Variants in TJP2 observed in about 807,000 individuals in gnomAD.
The protein encoded by TJP2 is tight junction protein 2.
A neutral mutation model predicts 133.1 loss-of-function variants in TJP2; 91 were observed. That is an observed-to-expected ratio of 0.68 (90% confidence interval 0.58 to 0.81). The LOEUF (loss-of-function observed/expected upper bound fraction) is 0.81. Ranked by LOEUF, TJP2 falls within the 40% of genes least tolerant of loss-of-function variation. TJP2 has a pLI of 0.00. For missense variants in TJP2, 1,541 were observed against 1,565.6 expected (o/e 0.98, Z 0.26); for synonymous variants, 592 against 583.4 (o/e 1.01, Z -0.21).
chr9:69,205,176 A>T (rs985270761), intron 1 of TJP2: 1 of 1,537,174 alleles, frequency 6.5e-7, no homozygotes, highest in African/African-American at 1.4e-5. Context: ...AGACTGCTCA[A>T]GCCCTACATA....
At chr9:69,121,859 G>A (rs979605948) in intron 1 of TJP2, 4 of 152,426 alleles carry the variant, frequency 2.6e-5, no homozygotes, top group African/African-American at 9.6e-5. Context: ...CTTTGGCCAG[G>A]GAATGATTTG....
At chr9:69,151,830 G>C (rs780341007) in intron 2 of TJP2, 3 of 1,230,484 alleles carry the variant, frequency 2.4e-6, no homozygotes, top group Non-Finnish European at 1.0e-6. Context: ...AAATTTGTTC[G>C]AATAGTTACC....
intron 19 of TJP2, chr9:69,248,746 A>C (rs1205388512): frequency 2.0e-6 from 2 of 996,492 alleles, no homozygotes; most frequent in East Asian, 2.2e-4. Context: ...TGTACTGTGC[A>C]TCCACTGTGA....
intron 1 of TJP2, among the ~76,000 whole-genome samples, chr9:69,135,351 G>C (rs1194067384): frequency 6.6e-6 from 1 of 152,164 alleles, no homozygotes; most frequent in Admixed American, 6.5e-5. Flanking sequence ...AGGAAACCCA[G>C]GCCCTGAAGA....
At chr9:69,252,406 G>A (rs996823743) in intron 21 of TJP2, among the ~76,000 whole-genome samples, 3 of 151,932 alleles carry the variant, frequency 2.0e-5, no homozygotes, top group Admixed American at 1.3e-4. Context: ...GTGAAACTCC[G>A]TACCCATAAA....
chr9:69,130,618 C>T (rs1277616801), intron 1 of TJP2, among the ~76,000 whole-genome samples: 1 of 152,120 alleles, frequency 6.6e-6, no homozygotes, highest in African/African-American at 2.4e-5. Flanking sequence ...AGGTCTGGAA[C>T]TTGCATGACG....
chr9:69,181,431 G>A (rs1825503199), intron 1 of TJP2, among the ~76,000 whole-genome samples: 1 of 151,908 alleles, frequency 6.6e-6, no homozygotes, highest in Admixed American at 6.6e-5. Context: ...TGTATCTTTG[G>A]TAGAGACGGG....
intron 1 of TJP2, among the ~76,000 whole-genome samples, chr9:69,188,485 A>G (rs1196746740): frequency 6.6e-6 from 1 of 152,190 alleles, no homozygotes; most frequent in African/African-American, 2.4e-5. Context: ...TTTTAGAATC[A>G]CAGTGGCAAG....
Position 69,248,184 on chromosome 9 carries a change from C to A in TJP2, c.2840C>A (p.Ser947Ter). The A allele has an allele frequency of 1.9e-6, 3 of 1,612,402 alleles. No individual in the cohort carries two copies. The highest frequency in any genetic ancestry group is 2.5e-6 in the Non-Finnish European group (3 of 1,179,206). The change falls in exon 19 of 23, where the codon TCG (serine) becomes TAG (stop). Residue 947 changes from serine to a stop codon, truncating the protein, a stop_gained. Transcript: ENST00000377245. LOFTEE classifies it high-confidence loss of function. The part of the protein sequence containing the change: ...LDEPAEEPLV[S>*]SITRSSEPVQ... ...GAGCCAGCCGAGGAGCCGCTGGTGT[C>A]GTCCATCACCCGCTCCTCGGAGCCG...
chr9:69,188,908 CTGGGTTA>C (rs1172605774), intron 1 of TJP2, among the ~76,000 whole-genome samples: 3 of 152,152 alleles, frequency 2.0e-5, no homozygotes, highest in Non-Finnish European at 4.4e-5. Context: ...TTACAAACTC[CTGGGTTA>C]TAGAATTGGA....
chr9:69,202,185 C>T (rs1402859897), intron 1 of TJP2, among the ~76,000 whole-genome samples: 1 of 152,194 alleles, frequency 6.6e-6, no homozygotes, highest in African/African-American at 2.4e-5. Context: ...GGGCAGCTCT[C>T]TCCTTCCAAG....
At chr9:69,245,642 G>A (rs904296055) in intron 17 of TJP2, among the ~76,000 whole-genome samples, 1 of 152,152 alleles carries the variant, frequency 6.6e-6, no homozygotes, top group Non-Finnish European at 1.5e-5. Flanking sequence ...CACTTGCTTG[G>A]TGTGTGGCCT....
intron 1 of TJP2, among the ~76,000 whole-genome samples, chr9:69,195,908 G>A (rs1826525957): frequency 6.6e-6 from 1 of 152,220 alleles, no homozygotes; most frequent in Non-Finnish European, 1.5e-5. Flanking sequence ...AGTTGTCAGA[G>A]TGATTGAATC....
chr9:69,147,722 C>T (rs1432053459), intron 1 of TJP2, among the ~76,000 whole-genome samples: 1 of 152,104 alleles, frequency 6.6e-6, no homozygotes, highest in East Asian at 1.9e-4. Flanking sequence ...TCCTCATTTC[C>T]CCAAATCAAA....
chr9:69,252,672 C>T (rs376684212), intron 21 of TJP2, 143 bp from the exon 22 acceptor site: 38 of 783,586 alleles, frequency 4.8e-5, no homozygotes, highest in African/African-American at 4.1e-4. Context: ...ATGAGGAGGC[C>T]GCTTCTGTGT....
At chr9:69,196,948 C>CGTGTGTGT (rs1826616328) in intron 1 of TJP2, among the ~76,000 whole-genome samples, 2 of 127,854 alleles carry the variant, frequency 1.6e-5, no homozygotes, top group Admixed American at 7.8e-5. Context: ...TGTGTGTGTA[C>CGTGTGTGT]ACACACACAC....
intron 11 of TJP2, among the ~76,000 whole-genome samples, chr9:69,232,960 C>T (rs1376683099): frequency 2.0e-5 from 3 of 152,120 alleles, no homozygotes; most frequent in Admixed American, 6.5e-5. Flanking sequence ...TCCCAAGGTC[C>T]TCCCACAGCC....
At chr9:69,149,968 G>T (rs1349692190) in intron 1 of TJP2, among the ~76,000 whole-genome samples, 1 of 152,032 alleles carries the variant, frequency 6.6e-6, no homozygotes, top group Non-Finnish European at 1.5e-5. Flanking sequence ...GGGCCAACGT[G>T]GTGAAACCCT....
At chr9:69,248,930 A>G in intron 19 of TJP2, 1 of 991,480 alleles carries the variant, frequency 1.0e-6, no homozygotes, top group African/African-American at 1.8e-5. Flanking sequence ...ATTTTAGCTC[A>G]TTCCAGTAAA....
Sources: gnomAD v4.1 joint callset for allele counts (sites outside exome capture counted in the v4.1 genomes callset) on GRCh38, gnomAD v4.1.1 for gene constraint, MANE v1.5 for transcripts, NCBI Gene and HGNC (gene_info 2026-07-23, HGNC 2026-07-21) for gene names.